Variants in CNTNAP4 observed in about 807,000 individuals in gnomAD.
The protein encoded by CNTNAP4 is contactin associated protein family member 4, also known as contactin-associated protein-like 4.
In CNTNAP4, 98 loss-of-function variants were observed where a neutral mutation model predicts 148.4. The ratio of observed to expected loss-of-function variants is 0.66; its 90% CI spans 0.56 to 0.78. The LOEUF (loss-of-function observed/expected upper bound fraction) is 0.78. CNTNAP4 is among the 30% of genes least tolerant of loss of function. The probability of loss-of-function intolerance (pLI) is 0.00; values close to 1 mark genes in which losing one functional copy is unlikely to be tolerated. For missense variants in CNTNAP4, 1,935 were observed against 1,565.6 expected (o/e 1.24, Z -3.98); for synonymous variants, 730 against 565.1 (o/e 1.29, Z -4.14).
intron 1 of CNTNAP4, among the ~76,000 whole-genome samples, chr16:76,303,653 C>T (rs1181266791): frequency 6.6e-6 from 1 of 152,148 alleles, no homozygotes; most frequent in African/African-American, 2.4e-5. Context: ...TCCTTTCTCT[C>T]TTTCTTAATA....
chr16:76,468,605 C>T (rs1340339534), intron 10 of CNTNAP4, among the ~76,000 whole-genome samples: 1 of 152,298 alleles, frequency 6.6e-6, no homozygotes, highest in African/African-American at 2.4e-5. Flanking sequence ...CTATCTCAGC[C>T]TCCTGAGTCA....
chr16:76,306,362 C>T (rs1779450348), intron 1 of CNTNAP4, among the ~76,000 whole-genome samples: 1 of 152,158 alleles, frequency 6.6e-6, no homozygotes, highest in South Asian at 2.1e-4. Context: ...TGCGTATCAA[C>T]AGTGGGCCCT....
chr16:76,507,874 C>T (rs1321815120), intron 15 of CNTNAP4, among the ~76,000 whole-genome samples: 1 of 97,790 alleles, frequency 1.0e-5, no homozygotes, highest in Non-Finnish European at 2.9e-5. Flanking sequence ...TGGCATCTGG[C>T]TCTACGTCCT....
At chr16:76,422,152 G>A (rs1327425187) in intron 3 of CNTNAP4, among the ~76,000 whole-genome samples, 3 of 152,040 alleles carry the variant, frequency 2.0e-5, no homozygotes, top group Non-Finnish European at 4.4e-5. Context: ...TTCCTAAATT[G>A]TCTATGAACA....
chr16:76,353,712 C>A (rs1597292794), intron 2 of CNTNAP4, among the ~76,000 whole-genome samples: 1 of 152,098 alleles, frequency 6.6e-6, no homozygotes, highest in Non-Finnish European at 1.5e-5. Context: ...TTATGCTGTC[C>A]TCTGGTGCAT....
chr16:76,520,301 C>G (rs971831814), intron 15 of CNTNAP4, among the ~76,000 whole-genome samples: 1 of 151,974 alleles, frequency 6.6e-6, no homozygotes, highest in African/African-American at 2.4e-5. Context: ...ATATATGGTT[C>G]ATAATATTTT....
intron 3 of CNTNAP4, among the ~76,000 whole-genome samples, chr16:76,399,812 A>T (rs980011989): frequency 1.3e-5 from 2 of 152,208 alleles, no homozygotes; most frequent in African/African-American, 4.8e-5. Context: ...TATGCTGATC[A>T]CATTAGTCAT....
At chr16:76,326,931 C>T (rs1425692199) in intron 2 of CNTNAP4, among the ~76,000 whole-genome samples, 8 of 151,414 alleles carry the variant, frequency 5.3e-5, no homozygotes, top group East Asian at 1.9e-4. Context: ...CACATGTACC[C>T]TAAAACTTAA....
At chr16:76,519,040 G>A (rs1049503775) in intron 15 of CNTNAP4, among the ~76,000 whole-genome samples, 1 of 152,052 alleles carries the variant, frequency 6.6e-6, no homozygotes, top group Non-Finnish European at 1.5e-5. Context: ...AGATTCTGGT[G>A]GGTGTCTCTT....
chr16:76,366,451 A>G (rs964383329), intron 3 of CNTNAP4, among the ~76,000 whole-genome samples: 2 of 152,158 alleles, frequency 1.3e-5, no homozygotes, highest in South Asian at 2.1e-4. Context: ...TGTTCCCAAA[A>G]CAGACATAAT....
At chr16:76,517,259 A>G (rs531469485) in intron 15 of CNTNAP4, among the ~76,000 whole-genome samples, 66 of 152,262 alleles carry the variant, frequency 4.3e-4, no homozygotes, top group African/African-American at 1.4e-3. Context: ...GATGAAGAAT[A>G]CTGTGGCAAT....
intron 13 of CNTNAP4, among the ~76,000 whole-genome samples, chr16:76,492,818 T>C (rs574655052): frequency 1.3e-5 from 2 of 152,296 alleles, no homozygotes; most frequent in Non-Finnish European, 2.9e-5. Context: ...TATGAGTCCA[T>C]CAAACCTCTT....
intron 1 of CNTNAP4, among the ~76,000 whole-genome samples, chr16:76,306,802 C>A (rs892232928): frequency 6.6e-6 from 1 of 152,134 alleles, no homozygotes; most frequent in Non-Finnish European, 1.5e-5. Flanking sequence ...TTTTAAGTAC[C>A]TACTCTGTAC....
At chr16:76,400,908 G>C (rs1439234981) in intron 3 of CNTNAP4, among the ~76,000 whole-genome samples, 2 of 152,058 alleles carry the variant, frequency 1.3e-5, no homozygotes, top group Non-Finnish European at 2.9e-5. Context: ...GTGTCTGTTT[G>C]ATACCATTAC....
chr16:76,540,539 CCTTT>C (rs978380427), intron 20 of CNTNAP4, among the ~76,000 whole-genome samples, 160 bp from the exon 21 acceptor site: 1 of 151,408 alleles, frequency 6.6e-6, no homozygotes, highest in African/African-American at 2.4e-5. Context: ...CTTAGAAAAA[CCTTT>C]CTAAGTGGCT....
chr16:76,324,039 C>G (rs566223623), intron 2 of CNTNAP4, among the ~76,000 whole-genome samples: 8 of 152,254 alleles, frequency 5.3e-5, no homozygotes, highest in Non-Finnish European at 8.8e-5. Flanking sequence ...GTTTCTAACT[C>G]TTAGAAATCT....
intron 12 of CNTNAP4, among the ~76,000 whole-genome samples, chr16:76,485,973 G>A (rs910492374): frequency 1.2e-4 from 18 of 152,142 alleles, no homozygotes; most frequent in African/African-American, 3.4e-4. Context: ...GCTATTCAGC[G>A]TGAAGCAACA....
chr16:76,311,823 C>CT (rs1279878124), intron 1 of CNTNAP4, among the ~76,000 whole-genome samples: 1 of 152,098 alleles, frequency 6.6e-6, no homozygotes, highest in Admixed American at 6.6e-5. Context: ...CTCCTGTGCC[C>CT]TTTTTTACCA....
chr16:76,328,113 C>G (rs541673015), intron 2 of CNTNAP4, among the ~76,000 whole-genome samples: 1 of 152,218 alleles, frequency 6.6e-6, no homozygotes, highest in Non-Finnish European at 1.5e-5. Context: ...TCATAATTCT[C>G]TACCTCTGAA....
Sources: gnomAD v4.1 joint callset for allele counts (sites outside exome capture counted in the v4.1 genomes callset) on GRCh38, gnomAD v4.1.1 for gene constraint, MANE v1.5 for transcripts, NCBI Gene and HGNC (gene_info 2026-07-23, HGNC 2026-07-21) for gene names.